Variants in PTPRD observed in about 807,000 individuals in gnomAD.
The protein encoded by PTPRD is receptor-type tyrosine-protein phosphatase delta.
PTPRD carries 34 observed loss-of-function variants against 214.5 expected under a neutral mutation model. The observed-to-expected ratio is 0.16, with a 90% CI of 0.12 to 0.21. The LOEUF (loss-of-function observed/expected upper bound fraction) is 0.21. Ranked by LOEUF, PTPRD falls within the 10% of genes least tolerant of loss-of-function variation. The probability of loss-of-function intolerance (pLI) is 1.00; values close to 1 mark genes in which losing one functional copy is unlikely to be tolerated. For synonymous variants in PTPRD, 1,128 were observed against 845.7 expected (o/e 1.33, Z -5.79); for missense variants, 2,545 against 2,398.7 (o/e 1.06, Z -1.27).
chr9:8,485,741 C>T lies in PTPRD; in HGVS notation c.3055+21G>A, dbSNP rs148159800. On this transcript the variant is annotated intron_variant, in intron 28 of 45. Transcript: ENST00000381196. ...CTGACAATCCTTTAAAGGAGGAAGG[C>T]CGTAAGCAGACAAATCCTACCTTGA... 246 of 1,582,230 alleles carry T rather than the reference C, an allele frequency of 1.6e-4. No homozygotes were observed. The African/African-American group carries it at 2.9e-3, about 19-fold the overall frequency.
intron 7 of PTPRD, among the ~76,000 whole-genome samples, chr9:9,604,471 T>C (rs2094011082): frequency 6.6e-6 from 1 of 152,066 alleles, no homozygotes; most frequent in South Asian, 2.1e-4. Context: ...TATTTGTATG[T>C]TTTAGAATGT....
At chr9:9,793,516 G>A (rs889233754) in intron 5 of PTPRD, among the ~76,000 whole-genome samples, 15 of 152,066 alleles carry the variant, frequency 9.9e-5, no homozygotes, top group African/African-American at 3.1e-4. Flanking sequence ...AGATATGTAC[G>A]TCTGTCAACA....
At position 10,137,767 on chromosome 9, in the gene PTPRD, T is replaced by C. The variant is rs181729404; in HGVS notation, c.-544-103977A>G. ...CTCAAACTGCACAACTACATGAAAA[T>C]TAAACCACTTGCACCTGAATGGCTT... On this transcript the variant is annotated intron_variant, in intron 3 of 45. Transcript: ENST00000381196. Among the ~76,000 whole-genome samples, 10 of 147,504 alleles carry C rather than the reference T, an allele frequency of 6.8e-5. No homozygotes were observed. In the East Asian group the frequency reaches 1.6e-3, roughly 24 times the overall value.
Position 9,988,749 on chromosome 9 carries a change from G to T in PTPRD, c.-472+44969C>A, listed in dbSNP as rs575250545. On this transcript the variant is annotated intron_variant, in intron 4 of 45. Transcript: ENST00000381196. ...TCAGTATATAAAAACTCTAAAAAGTGTATTAAGTAATTTTTAAGATACATA... is the reference window on the plus strand; with the variant it reads ...TCAGTATATAAAAACTCTAAAAAGTTTATTAAGTAATTTTTAAGATACATA... 2.2e-4 allele frequency among the ~76,000 whole-genome samples: 34 copies of T among 151,940 alleles called. 1 individual carries two copies. The highest frequency in any genetic ancestry group is 7.7e-4 in the African/African-American group (32 of 41,462).
At chr9:10,433,448 C>T (rs959181647) in intron 2 of PTPRD, among the ~76,000 whole-genome samples, 1 of 151,942 alleles carries the variant, frequency 6.6e-6, no homozygotes, top group Non-Finnish European at 1.5e-5. Flanking sequence ...GTCCTATCCT[C>T]ATTGCTCAAT....
At chr9:8,770,395 A>C (rs538475124) in intron 11 of PTPRD, among the ~76,000 whole-genome samples, 1 of 152,302 alleles carries the variant, frequency 6.6e-6, no homozygotes, top group Admixed American at 6.5e-5. Flanking sequence ...AATAATTAGA[A>C]AATACAAGAA....
intron 5 of PTPRD, among the ~76,000 whole-genome samples, chr9:9,769,717 A>G (rs192295642): frequency 0.014 from 2,073 of 151,988 alleles, 60 homozygotes; most frequent in African/African-American, 0.046. Flanking sequence ...CCATCAACCC[A>G]TCATCTACAT....
At chr9:10,171,173 T>G (rs1320604689) in intron 3 of PTPRD, among the ~76,000 whole-genome samples, 1 of 152,162 alleles carries the variant, frequency 6.6e-6, no homozygotes, top group Non-Finnish European at 1.5e-5. Flanking sequence ...GATCTACTGT[T>G]CAACTTCTTA....
intron 33 of PTPRD, among the ~76,000 whole-genome samples, chr9:8,454,372 C>T (rs548456432): frequency 1.3e-5 from 2 of 152,312 alleles, no homozygotes; most frequent in South Asian, 4.1e-4. Flanking sequence ...CGCCTTTAAT[C>T]TGTTTTTTTC....
chr9:9,179,498 G>C (rs771832809), intron 10 of PTPRD, among the ~76,000 whole-genome samples: 3 of 152,052 alleles, frequency 2.0e-5, no homozygotes, highest in Non-Finnish European at 4.4e-5. Flanking sequence ...AAAATGCTAC[G>C]AACCACTAGC....
chr9:8,402,617 T>C (rs1462320702), intron 36 of PTPRD, among the ~76,000 whole-genome samples: 6 of 152,136 alleles, frequency 3.9e-5, no homozygotes, highest in Admixed American at 3.9e-4. Context: ...AAAAAAGATT[T>C]CTCTCTGCTA....
intron 2 of PTPRD, among the ~76,000 whole-genome samples, chr9:10,446,496 C>T (rs905770616): frequency 8.9e-5 from 13 of 145,840 alleles, no homozygotes; most frequent in African/African-American, 3.3e-4. Flanking sequence ...TTAGTGGGAC[C>T]CAATATACTT....
At chr9:9,683,419 G>C (rs911697081) in intron 7 of PTPRD, among the ~76,000 whole-genome samples, 3 of 151,578 alleles carry the variant, frequency 2.0e-5, no homozygotes, top group Non-Finnish European at 3.0e-5. Flanking sequence ...CCAGCACCTG[G>C]TAAAACAGAC....
At chr9:8,339,521 G>A (rs1850353073) in intron 42 of PTPRD, among the ~76,000 whole-genome samples, 1 of 152,052 alleles carries the variant, frequency 6.6e-6, no homozygotes, top group Non-Finnish European at 1.5e-5. Flanking sequence ...ACTTGTCAAG[G>A]AAACGAGGGG....
chr9:8,486,299 G>C lies in PTPRD; in HGVS notation c.2518C>G (p.Leu840Val), dbSNP rs142009246. The C allele has an allele frequency of 1.5e-5, 25 of 1,614,196 alleles. No individual in the cohort carries two copies. The highest frequency in any genetic ancestry group is 2.7e-5 in the African/African-American group (2 of 75,052). ...TCCACCGGAGGGTGCCACTGAATAA[G>C]AGCAGTATTCATCTGAGTGTGGTTA... ...VINHTQMNTA[L>V]IQWHPPVDTF... Residue 840 changes from leucine (L) to valine (V), a missense_variant, in exon 28 of 46, where the codon CTT (leucine) becomes GTT (valine). Coordinates refer to ENST00000381196, the MANE Select transcript of PTPRD (RefSeq NM_002839.4).
At chr9:10,051,398 T>G (rs1303282526) in intron 3 of PTPRD, among the ~76,000 whole-genome samples, 1 of 152,090 alleles carries the variant, frequency 6.6e-6, no homozygotes. Context: ...TCATCTCCAG[T>G]TTTTTCCTCC....
intron 11 of PTPRD, among the ~76,000 whole-genome samples, chr9:8,944,093 G>T (rs950860136): frequency 3.3e-5 from 5 of 152,102 alleles, no homozygotes; most frequent in African/African-American, 1.2e-4. Flanking sequence ...ATGGGCAAAA[G>T]ATCTGAATAG....
intron 30 of PTPRD, 67 bp downstream of exon 30, chr9:8,484,052 T>A: frequency 6.5e-7 from 1 of 1,538,224 alleles, no homozygotes; most frequent in Non-Finnish European, 8.8e-7. Flanking sequence ...CCTCTATAAT[T>A]TTGAGATATA....
rs868816601 is a variant in PTPRD at position 10,259,699 on chromosome 9, T to G, written c.-545+81264A>C. 2.6e-5 allele frequency among the ~76,000 whole-genome samples: 4 copies of G among 152,354 alleles called. 1 individual carries two copies. The Middle Eastern group carries it at 0.01, about 389-fold the overall frequency. On this transcript the variant is annotated intron_variant, in intron 3 of 45. Coordinates refer to ENST00000381196, the MANE Select transcript of PTPRD (RefSeq NM_002839.4). The stretch of plus-strand genomic sequence containing the variant: ...AAAAGTGGGTATCAACTTTAGTTCC[T>G]CAACAAATACTCCTGTTTATTGAAT...
Sources: gnomAD v4.1 joint callset for allele counts (sites outside exome capture counted in the v4.1 genomes callset) on GRCh38, gnomAD v4.1.1 for gene constraint, MANE v1.5 for transcripts, NCBI Gene and HGNC (gene_info 2026-07-23, HGNC 2026-07-21) for gene names.